PKD2L1: variants seen among roughly 807,000 people sequenced by gnomAD.
The protein encoded by PKD2L1 is polycystin 2 like 1, transient receptor potential cation channel.
A neutral mutation model predicts 93.0 loss-of-function variants in PKD2L1; 77 were observed. The ratio of observed to expected loss-of-function variants is 0.83; its 90% CI spans 0.69 to 1.00. The LOEUF is 1.00. Ranked by LOEUF, PKD2L1 falls within the 50% of genes least tolerant of loss-of-function variation. The probability of loss-of-function intolerance (pLI) is 0.00; values close to 1 mark genes in which losing one functional copy is unlikely to be tolerated. For synonymous variants in PKD2L1, 390 were observed against 388.0 expected (o/e 1.01, Z -0.06); for missense variants, 977 against 990.9 (o/e 0.99, Z 0.19).
chr10:100,299,393 A>C (rs989472072), intron 3 of PKD2L1, among the ~76,000 whole-genome samples, 198 bp downstream of exon 3: 2 of 152,172 alleles, frequency 1.3e-5, no homozygotes, highest in African/African-American at 4.8e-5. Flanking sequence ...TCCTGGTTTA[A>C]TTCCCTGATT....
chr10:100,330,132 C>T lies in PKD2L1; in HGVS notation c.-29G>A, dbSNP rs894226168. 1 of 1,397,022 alleles carries T rather than the reference C, an allele frequency of 7.2e-7. No individual in the cohort carries two copies. The highest frequency in any genetic ancestry group is 9.9e-7 in the Non-Finnish European group (1 of 1,013,918). The allele number at this position is 1,397,022 out of a possible 1,614,324, so 86.5% of individuals were successfully genotyped here. On this transcript the variant is annotated 5_prime_UTR_variant, in exon 1 of 16. Coordinates refer to ENST00000318222, the MANE Select transcript of PKD2L1 (RefSeq NM_016112.3). ...GAATGAGGTGGGGGGGCCCGGTACCCCAGGTGCCCACTCTCAGCTAGAGGA... is the reference window on the plus strand; with the variant it reads ...GAATGAGGTGGGGGGGCCCGGTACCTCAGGTGCCCACTCTCAGCTAGAGGA...
chr10:100,291,252 G>A, intron 12 of PKD2L1, 49 bp downstream of exon 12: 2 of 1,582,100 alleles, frequency 1.3e-6, no homozygotes, highest in Non-Finnish European at 1.7e-6. Flanking sequence ...GGGAAGGAGA[G>A]GGTGAGCTAT....
chr10:100,302,981 A>C (rs535106409), intron 2 of PKD2L1, among the ~76,000 whole-genome samples: 1 of 152,148 alleles, frequency 6.6e-6, no homozygotes, highest in Non-Finnish European at 1.5e-5. Flanking sequence ...TTATGTCTAT[A>C]ATTTACTCTC....
chr10:100,308,557 A>G (rs1848859602), intron 2 of PKD2L1, among the ~76,000 whole-genome samples: 1 of 151,904 alleles, frequency 6.6e-6, no homozygotes, highest in African/African-American at 2.4e-5. Context: ...CTAGTCTCGA[A>G]CTCCTGACCT....
chr10:100,313,708 T>A (rs1372896348), intron 2 of PKD2L1, among the ~76,000 whole-genome samples: 2 of 152,226 alleles, frequency 1.3e-5, no homozygotes. Flanking sequence ...TTGAGTTATA[T>A]CTATCTACCC....
In PKD2L1 at chr10:100,293,358, T is replaced by C. The variant is rs573222357; in HGVS notation, c.1681A>G (p.Asn561Asp). 1 of 1,612,572 alleles carries C rather than the reference T, an allele frequency of 6.2e-7. No individual in the cohort carries two copies. Among genetic ancestry groups the C allele is most frequent in the African/African-American group, 1.3e-5 (1 of 75,018 alleles). ...TCCTTGACCTCTGAATATGTGTCAT[T>C]GATGATGGCCAGGAACATGTTCTGG... ...VLLNMFLAIINDTYSEVKEEL... is the reference protein window; with the variant it reads ...VLLNMFLAIIDDTYSEVKEEL... The change falls in exon 10 of 16, where the codon AAT (asparagine) becomes GAT (aspartate). Residue 561 changes from asparagine (N) to aspartate (D), a missense_variant. Transcript: ENST00000318222.
At chr10:100,288,522 T>C (rs1344944456) in intron 15 of PKD2L1, 44 bp from the exon 16 acceptor site, 2 of 1,138,614 alleles carry the variant, frequency 1.8e-6, no homozygotes, top group Admixed American at 3.4e-5. Flanking sequence ...GCAACAAATC[T>C]TGGGATGCAC....
At chr10:100,289,097 T>G in intron 14 of PKD2L1, 41 bp from the exon 15 acceptor site, 2 of 1,420,132 alleles carry the variant, frequency 1.4e-6, no homozygotes, top group Non-Finnish European at 2.0e-6. Flanking sequence ...GAAGAAATAG[T>G]TTGTGTACCA....
At chr10:100,315,005 A>G (rs1481972237) in intron 2 of PKD2L1, among the ~76,000 whole-genome samples, 1 of 10,574 alleles carries the variant, frequency 9.5e-5, no homozygotes, top group Non-Finnish European at 1.4e-4. Context: ...GAAGGAAGGA[A>G]GGAAGGAAGG....
chr10:100,320,973 C>T (rs1221750721), intron 2 of PKD2L1, among the ~76,000 whole-genome samples: 2 of 152,180 alleles, frequency 1.3e-5, no homozygotes, highest in African/African-American at 4.8e-5. Flanking sequence ...GCTATAGATA[C>T]ATTTACCATG....
chr10:100,312,931 A>C (rs916383792), intron 2 of PKD2L1, among the ~76,000 whole-genome samples: 1 of 151,824 alleles, frequency 6.6e-6, no homozygotes, highest in African/African-American at 2.4e-5. Context: ...CATGAACTTC[A>C]GTTAATGTCA....
chr10:100,294,788 T>C (rs962417650), intron 8 of PKD2L1, 133 bp from the exon 9 acceptor site: 2 of 1,383,134 alleles, frequency 1.4e-6, no homozygotes, highest in Admixed American at 3.7e-5. Flanking sequence ...TTAGATTATT[T>C]AAGCACACAC....
At chr10:100,290,642 C>T (rs752305525) in intron 12 of PKD2L1, 123 bp from the exon 13 acceptor site, 1 of 647,398 alleles carries the variant, frequency 1.5e-6, no homozygotes, top group South Asian at 1.9e-5. Context: ...TTGCTATTCC[C>T]CTTCCCTCCC....
rs530039157 is a variant in PKD2L1, at chr10:100,301,668, T to A, written c.350-1950A>T. On this transcript the variant is annotated intron_variant, in intron 2 of 15. Transcript: ENST00000318222. ...CTGTTCTCAAGGTGCCTAGATTTCA[T>A]ATTGTTCAAACACACATGCTTTATG... Among the ~76,000 whole-genome samples, 6 of 152,348 alleles carry A rather than the reference T, an allele frequency of 3.9e-5. No individual in the cohort carries two copies. In the East Asian group the frequency reaches 1.2e-3, roughly 29 times the overall value.
intron 2 of PKD2L1, among the ~76,000 whole-genome samples, chr10:100,322,228 A>G (rs1229675622): frequency 6.6e-6 from 1 of 151,996 alleles, no homozygotes; most frequent in Non-Finnish European, 1.5e-5. Context: ...TCAAAACAAC[A>G]ACAACAACAA....
chr10:100,294,392 C>T, intron 9 of PKD2L1, 143 bp downstream of exon 9: 2 of 857,098 alleles, frequency 2.3e-6, no homozygotes, highest in Non-Finnish European at 3.7e-6. Context: ...TTAACCATCT[C>T]TCAGAAGATC....
chr10:100,292,570 G>A (rs1848428014), intron 11 of PKD2L1, among the ~76,000 whole-genome samples: 1 of 152,162 alleles, frequency 6.6e-6, no homozygotes, highest in Admixed American at 6.5e-5. Flanking sequence ...TTTGTTCAAT[G>A]TGTATTAATA....
chr10:100,298,582 A>C lies in PKD2L1; in HGVS notation c.711T>G (p.Phe237Leu). Reference sequence around the variant, plus strand: ...CTCACGCTGTGCCATTGAAGGGCCCAAAGGGGAGTTGTTCTTCTTTGTCTG... The same window carrying C: ...CTCACGCTGTGCCATTGAAGGGCCCCAAGGGGAGTTGTTCTTCTTTGTCTG... The part of the protein sequence containing the change: ...YSPDKEEQLP[F>L]GPFNGTAWTY... The change falls in exon 4 of 16, where the codon TTT becomes TTG. Residue 237 changes from phenylalanine (F) to leucine (L), a missense_variant. Physicochemically the swap from Phe to Leu is conservative, Grantham distance 22. Transcript: ENST00000318222. The C allele has an allele frequency of 6.2e-7, 1 of 1,614,180 alleles. No individual in the cohort carries two copies. The highest frequency in any genetic ancestry group is 8.5e-7 in the Non-Finnish European group (1 of 1,180,024).
At chr10:100,320,949 A>G (rs996471640) in intron 2 of PKD2L1, among the ~76,000 whole-genome samples, 11 of 152,066 alleles carry the variant, frequency 7.2e-5, no homozygotes, top group Non-Finnish European at 1.0e-4. Context: ...AAGAAGTGGG[A>G]AAAAAAAGCT....
Sources: gnomAD v4.1 joint callset for allele counts (sites outside exome capture counted in the v4.1 genomes callset) on GRCh38, gnomAD v4.1.1 for gene constraint, MANE v1.5 for transcripts, NCBI Gene and HGNC (gene_info 2026-07-23, HGNC 2026-07-21) for gene names.